Variants in TNKS2 observed in about 807,000 individuals in gnomAD.
TNKS2 encodes poly [ADP-ribose] polymerase tankyrase-2.
In TNKS2, 72 loss-of-function variants were observed where a neutral mutation model predicts 137.6. The observed-to-expected ratio is 0.52, with a 90% CI of 0.43 to 0.64. TNKS2 has a LOEUF of 0.64. Among genes scored for constraint, TNKS2 ranks in the 30% least tolerant of loss-of-function variants. The probability of loss-of-function intolerance (pLI) is 0.00; values close to 1 mark genes in which losing one functional copy is unlikely to be tolerated. For synonymous variants in TNKS2, 516 were observed against 512.1 expected (o/e 1.01, Z -0.10); for missense variants, 1,049 against 1,410.2 (o/e 0.74, Z 4.10).
At chr10:91,860,094 A>G (rs1381431168) in intron 25 of TNKS2, among the ~76,000 whole-genome samples, 1 of 152,230 alleles carries the variant, frequency 6.6e-6, no homozygotes. Flanking sequence ...CAATATTACT[A>G]TAAGAACTTG....
chr10:91,819,306 G>T lies in TNKS2; in HGVS notation c.557G>T (p.Arg186Met). 1 of 1,468,730 alleles carries T rather than the reference G, an allele frequency of 6.8e-7. No homozygotes were observed. Among genetic ancestry groups the T allele is most frequent in the Non-Finnish European group, 9.0e-7 (1 of 1,107,002 alleles). The allele number at this position is 1,468,730 out of a possible 1,614,324, so 91.0% of individuals were successfully genotyped here. A position where few individuals can be genotyped will look rare whatever the true frequency, so the allele number is the denominator to read the frequency against. ...YKKDELLESARSGNEEKMMAL... is the reference protein window; with the variant it reads ...YKKDELLESAMSGNEEKMMAL... ...AAAGATGAACTCTTAGAAAGTGCCA[G>T]GTACGTACTAATGTTATAAATATGT... Residue 186 changes from arginine to methionine, a missense_variant and splice_region_variant, in exon 4 of 27, where the codon AGG becomes ATG. This residue lies in a region of TNKS2 where 374 missense variants were observed against 460.8 expected (regional missense o/e 0.81). Coordinates refer to ENST00000371627, the MANE Select transcript of TNKS2 (RefSeq NM_025235.4).
intron 13 of TNKS2, among the ~76,000 whole-genome samples, chr10:91,839,057 C>T (rs780277378): frequency 6.6e-6 from 1 of 152,152 alleles, no homozygotes; most frequent in Admixed American, 6.5e-5. Context: ...TTAGTAGAGA[C>T]GGTTTCACCA....
In TNKS2 at chr10:91,798,732, G is replaced by C. The variant is rs1844052602; in HGVS notation, c.42G>C (p.Ala14=). 2 of 1,243,618 alleles carry C rather than the reference G, an allele frequency of 1.6e-6. No individual in the cohort carries two copies. The highest frequency in any genetic ancestry group is 2.0e-6 in the Non-Finnish European group (2 of 989,650). 77.0% of individuals were successfully genotyped at this position (1,243,618 alleles called of 1,614,324 possible). ...GCGCCGGCGGGGGAGCGGCCTGCGC[G>C]AGCGCCGCGGCCGAGGCCGTGGAGC... ...RRCAGGGAAC[A]SAAAEAVEPA... is the part of the protein sequence containing the mutation. The change falls in exon 1 of 27, where the codon GCG becomes GCC. Residue 14 remains alanine, a synonymous_variant. Transcript: ENST00000371627.
chr10:91,850,387 A>G (rs1466117393), intron 20 of TNKS2, among the ~76,000 whole-genome samples: 1 of 145,808 alleles, frequency 6.9e-6, no homozygotes, highest in Non-Finnish European at 1.5e-5. Flanking sequence ...AAAAAAAAGA[A>G]CATATGAAAA....
At position 91,812,657 on chromosome 10, in the gene TNKS2, A is replaced by G. The variant is rs572409086; in HGVS notation, c.200-326A>G. The G allele has an allele frequency of 2.5e-4, 113 of 457,414 alleles. 2 individuals are homozygous for G. Among genetic ancestry groups the G allele is most frequent in the African/African-American group, 2.3e-3 (110 of 47,160 alleles). 28.3% of individuals were successfully genotyped at this position (457,414 alleles called of 1,614,324 possible). A position where few individuals can be genotyped will look rare whatever the true frequency, so the allele number is the denominator to read the frequency against. ...AACATCTGAAAATGTATACATACTA[A>G]ATACGCAGAACTCTATTGTAGAGTG... On this transcript the variant is annotated intron_variant, in intron 1 of 26. Coordinates refer to ENST00000371627, the MANE Select transcript of TNKS2 (RefSeq NM_025235.4).
intron 16 of TNKS2, among the ~76,000 whole-genome samples, chr10:91,843,823 A>G (rs1415579932): frequency 6.6e-6 from 1 of 152,248 alleles, no homozygotes; most frequent in Non-Finnish European, 1.5e-5. Flanking sequence ...ATGGAAATGT[A>G]TGATGTTCAT....
At chr10:91,829,283 TA>T (rs57622995) in intron 9 of TNKS2, among the ~76,000 whole-genome samples, 103,114 of 149,686 alleles carry the variant, frequency 0.69, 36,379 homozygotes, top group East Asian at 0.9. Flanking sequence ...CTTCTAAATT[TA>T]AAAAAAAAAA....
At position 91,817,194 on chromosome 10, in the gene TNKS2, A is replaced by T. The variant is rs1844732746; in HGVS notation, c.485A>T (p.Asp162Val). 3 of 1,613,614 alleles carry T rather than the reference A, an allele frequency of 1.9e-6. No individual in the cohort carries two copies. The highest frequency in any genetic ancestry group is 2.5e-6 in the Non-Finnish European group (3 of 1,179,860). ...IRNTDGRTALDLADPSAKAVL... is the reference protein window; with the variant it reads ...IRNTDGRTALVLADPSAKAVL... ...AATACAGATGGAAGGACAGCATTGG[A>T]TTTAGCAGATCCATCTGCCAAAGCA... Residue 162 changes from aspartate (D) to valine (V), a missense_variant, in exon 3 of 27, where the codon GAT (aspartate) becomes GTT (valine). Physicochemically the swap from Asp to Val is radical, Grantham distance 152. This residue lies in a region of TNKS2 where 374 missense variants were observed against 460.8 expected (regional missense o/e 0.81). Transcript: ENST00000371627.
chr10:91,820,147 C>A, intron 6 of TNKS2, 114 bp downstream of exon 6: 3 of 652,720 alleles, frequency 4.6e-6, no homozygotes, highest in Non-Finnish European at 7.0e-6. Context: ...ATATATTGAG[C>A]TTTTACAATG....
intron 12 of TNKS2, among the ~76,000 whole-genome samples, chr10:91,835,574 C>A (rs1169672341): frequency 1.4e-5 from 2 of 147,078 alleles, no homozygotes; most frequent in African/African-American, 5.0e-5. Context: ...CAGGCATGAG[C>A]CACCATGCCC....
intron 2 of TNKS2, among the ~76,000 whole-genome samples, chr10:91,816,613 G>A (rs570756880): frequency 6.6e-6 from 1 of 151,542 alleles, no homozygotes. Flanking sequence ...TGACCTTACA[G>A]AATTTATTGA....
chr10:91,849,124 A>G (rs1341579527), intron 19 of TNKS2, among the ~76,000 whole-genome samples: 1 of 152,210 alleles, frequency 6.6e-6, no homozygotes, highest in Non-Finnish European at 1.5e-5. Context: ...GGCGTGAGCC[A>G]CCGCCCCCCG....
chr10:91,847,277 G>A (rs779875985), intron 18 of TNKS2, among the ~76,000 whole-genome samples: 1 of 152,172 alleles, frequency 6.6e-6, no homozygotes, highest in Non-Finnish European at 1.5e-5. Flanking sequence ...CGTTGTGAAA[G>A]AAGAGTACAT....
At chr10:91,819,825 T>A in intron 5 of TNKS2, 114 bp from the exon 6 acceptor site, 2 of 855,686 alleles carry the variant, frequency 2.3e-6, no homozygotes, top group Non-Finnish European at 3.5e-6. Context: ...AATTGATAAC[T>A]ACTTAGCGAA....
chr10:91,798,952 G>A (rs1051526721), intron 1 of TNKS2, 63 bp downstream of exon 1: 41 of 1,300,782 alleles, frequency 3.2e-5, no homozygotes, highest in Non-Finnish European at 3.6e-5. Context: ...GGGGCCCACA[G>A]GTCTGAAACC....
chr10:91,846,020 TA>T (rs1842359839), intron 18 of TNKS2, 80 bp downstream of exon 18: 10 of 1,303,098 alleles, frequency 7.7e-6, no homozygotes, highest in African/African-American at 1.5e-5. Context: ...AAAATGTCTT[TA>T]TAGTCAATGT....
chr10:91,859,705 A>G (rs2133685317), intron 25 of TNKS2, 57 bp downstream of exon 25: 1 of 1,437,960 alleles, frequency 7.0e-7, no homozygotes, highest in South Asian at 1.3e-5. Flanking sequence ...AACTAGTTGC[A>G]TTTTTGAGGG....
At chr10:91,835,703 C>T (rs1237080063) in intron 12 of TNKS2, among the ~76,000 whole-genome samples, 1 of 150,920 alleles carries the variant, frequency 6.6e-6, no homozygotes, top group Non-Finnish European at 1.5e-5. Context: ...TCTTGGCTCA[C>T]TGCAACCTCT....
chr10:91,842,463 C>A, intron 16 of TNKS2, 72 bp downstream of exon 16: 1 of 1,422,988 alleles, frequency 7.0e-7, no homozygotes, highest in Non-Finnish European at 9.7e-7. Flanking sequence ...AAAATATTTT[C>A]TGTAACTAAA....
Sources: gnomAD v4.1 joint callset for allele counts (sites outside exome capture counted in the v4.1 genomes callset) on GRCh38, gnomAD v4.1.1 for gene constraint, gnomAD v4.1.1 regional missense constraint, MANE v1.5 for transcripts, NCBI Gene and HGNC (gene_info 2026-07-23, HGNC 2026-07-21) for gene names.